The following PTPRE variants were observed in gnomAD, a reference collection of about 807,000 sequenced individuals.
PTPRE encodes the protein protein tyrosine phosphatase receptor type E, also known as receptor-type tyrosine-protein phosphatase epsilon.
A neutral mutation model predicts 102.0 loss-of-function variants in PTPRE; 51 were observed. The ratio of observed to expected loss-of-function variants is 0.50; its 90% CI spans 0.40 to 0.63. PTPRE has a LOEUF of 0.63. Ranked by LOEUF, PTPRE falls within the 30% of genes least tolerant of loss-of-function variation. The pLI is 0.00. For synonymous variants in PTPRE, 345 were observed against 348.2 expected (o/e 0.99, Z 0.10); for missense variants, 752 against 915.1 (o/e 0.82, Z 2.30).
intron 1 of PTPRE, among the ~76,000 whole-genome samples, chr10:127,911,607 C>G (rs1028143307): frequency 6.6e-6 from 1 of 152,222 alleles, no homozygotes; most frequent in South Asian, 2.1e-4. Flanking sequence ...GGGCCCCTCA[C>G]AGCTGCTGCA....
At chr10:127,980,739 T>C (rs1851544599) in intron 1 of PTPRE, among the ~76,000 whole-genome samples, 1 of 152,188 alleles carries the variant, frequency 6.6e-6, no homozygotes, top group Admixed American at 6.6e-5. Context: ...TATAACAATA[T>C]ACATTTAAAC....
chr10:128,055,714 G>T (rs771269897), intron 6 of PTPRE, among the ~76,000 whole-genome samples: 1 of 152,076 alleles, frequency 6.6e-6, no homozygotes, highest in African/African-American at 2.4e-5. Flanking sequence ...TAAACCCTCC[G>T]CATGCCTGTC....
intron 3 of PTPRE, among the ~76,000 whole-genome samples, chr10:128,046,897 T>C (rs1341010973): frequency 2.0e-5 from 3 of 152,190 alleles, no homozygotes; most frequent in African/African-American, 7.2e-5. Flanking sequence ...CTGGAGGCTC[T>C]GAAAGGTGGG....
At chr10:128,034,052 C>A (rs1225966508) in intron 2 of PTPRE, among the ~76,000 whole-genome samples, 1 of 152,200 alleles carries the variant, frequency 6.6e-6, no homozygotes, top group Non-Finnish European at 1.5e-5. Context: ...AACTAAACTG[C>A]AAATTCCTGG....
In PTPRE at chr10:128,076,618, T is replaced by C. The variant is rs1851228427; in HGVS notation, c.1615T>C (p.Tyr539His). The C allele has an allele frequency of 6.2e-7, 1 of 1,605,340 alleles. No homozygotes were observed. Among genetic ancestry groups the C allele is most frequent in the Non-Finnish European group, 8.5e-7 (1 of 1,177,984 alleles). The change falls in exon 18 of 21, where the codon TAT becomes CAT. Residue 539 changes from tyrosine to histidine, a missense_variant. Physicochemically the swap from Tyr to His is moderately conservative, Grantham distance 83 (BLOSUM62 2). Coordinates refer to ENST00000254667, the MANE Select transcript of PTPRE (RefSeq NM_006504.6). ...QEREQDKCYQ[Y>H]WPTEGSVTHG... ...ATCCCCTAAGGATAAATGCTACCAG[T>C]ATTGGCCAACCGAGGGCTCAGTTAC...
At chr10:127,924,699 G>C (rs1467635314) in intron 1 of PTPRE, among the ~76,000 whole-genome samples, 2 of 152,210 alleles carry the variant, frequency 1.3e-5, no homozygotes, top group African/African-American at 4.8e-5. Flanking sequence ...AGATAACCCA[G>C]TTTAATGTTC....
intron 7 of PTPRE, among the ~76,000 whole-genome samples, chr10:128,060,407 C>T (rs961643311): frequency 4.6e-5 from 7 of 152,208 alleles, no homozygotes; most frequent in Non-Finnish European, 1.0e-4. Flanking sequence ...CTGGGGCAGA[C>T]TCCGGTGGTG....
At chr10:128,026,495 C>T (rs1217035484) in intron 2 of PTPRE, among the ~76,000 whole-genome samples, 2 of 152,212 alleles carry the variant, frequency 1.3e-5, no homozygotes, top group African/African-American at 2.4e-5. Context: ...TGGTCCCCTG[C>T]CCAGACCCCT....
intron 2 of PTPRE, among the ~76,000 whole-genome samples, chr10:127,992,826 G>A (rs541610496): frequency 2.0e-5 from 3 of 152,352 alleles, no homozygotes; most frequent in African/African-American, 7.2e-5. Context: ...ACTCAAATAT[G>A]TGGTCAGAAA....
At position 128,047,791 on chromosome 10, in the gene PTPRE, C is replaced by A; in HGVS notation, c.237C>A (p.Val79=). 6.2e-7 allele frequency: 1 copy of A among 1,607,216 alleles called. No individual in the cohort carries two copies. The highest frequency in any genetic ancestry group is 1.1e-5 in the South Asian group (1 of 90,822). ...TCAGGAAGCAGAGGAAAGCTGTGGT[C>A]AGCACCAGCGACAAGAAGATGCCCA... ...FRFRKQRKAV[V]STSDKKMPNG... Residue 79 remains valine, a synonymous_variant, in exon 5 of 21, where the codon GTC becomes GTA. Coordinates refer to ENST00000254667, the MANE Select transcript of PTPRE (RefSeq NM_006504.6).
intron 1 of PTPRE, among the ~76,000 whole-genome samples, chr10:127,971,899 A>G (rs190056106): frequency 6.6e-6 from 1 of 152,336 alleles, no homozygotes; most frequent in Admixed American, 6.5e-5. Context: ...CAGGTGCAGC[A>G]TTGAACTTCA....
At chr10:127,971,613 T>C (rs1850744318) in intron 1 of PTPRE, among the ~76,000 whole-genome samples, 1 of 152,242 alleles carries the variant, frequency 6.6e-6, no homozygotes, top group African/African-American at 2.4e-5. Flanking sequence ...GTCAGATGTG[T>C]GCCCATCCCG....
intron 15 of PTPRE, chr10:128,071,134 C>T (rs10829326): frequency 1.5e-5 from 8 of 523,274 alleles, no homozygotes; most frequent in Non-Finnish European, 2.4e-5. Flanking sequence ...CAAGCTGCTT[C>T]GGATATGAGC....
intron 1 of PTPRE, among the ~76,000 whole-genome samples, chr10:127,910,872 C>T (rs1845822529): frequency 6.7e-6 from 1 of 148,756 alleles, no homozygotes; most frequent in Non-Finnish European, 1.5e-5. Flanking sequence ...TCACTTGAGG[C>T]CAGGAATTCC....
At chr10:127,932,949 T>C (rs1467035636) in intron 1 of PTPRE, among the ~76,000 whole-genome samples, 2 of 152,190 alleles carry the variant, frequency 1.3e-5, no homozygotes, top group African/African-American at 4.8e-5. Flanking sequence ...CTAGAGGCTG[T>C]CCCGATGCTT....
At chr10:128,037,265 G>T (rs981861230) in intron 2 of PTPRE, among the ~76,000 whole-genome samples, 3 of 152,184 alleles carry the variant, frequency 2.0e-5, no homozygotes, top group Non-Finnish European at 4.4e-5. Flanking sequence ...GAACTGCCTG[G>T]ACAGTGGGTT....
At chr10:128,062,211 A>C (rs1482625739) in intron 9 of PTPRE, among the ~76,000 whole-genome samples, 3 of 152,222 alleles carry the variant, frequency 2.0e-5, no homozygotes, top group African/African-American at 7.2e-5. Context: ...GCGGTTAGAT[A>C]TCAGTGGAGC....
At chr10:127,920,125 G>A (rs1367546692) in intron 1 of PTPRE, among the ~76,000 whole-genome samples, 1 of 152,168 alleles carries the variant, frequency 6.6e-6, no homozygotes, top group Non-Finnish European at 1.5e-5. Context: ...TTGGGTGGGA[G>A]TTACTCAACT....
chr10:127,976,197 G>A (rs1283122708), intron 1 of PTPRE, among the ~76,000 whole-genome samples: 2 of 152,116 alleles, frequency 1.3e-5, no homozygotes, highest in African/African-American at 4.8e-5. Flanking sequence ...CATGCCCAGC[G>A]CCAAGAGGTG....
Sources: gnomAD v4.1 joint callset for allele counts (sites outside exome capture counted in the v4.1 genomes callset) on GRCh38, gnomAD v4.1.1 for gene constraint, MANE v1.5 for transcripts, NCBI Gene and HGNC (gene_info 2026-07-23, HGNC 2026-07-21) for gene names.